The following CATSPERT variants were observed in gnomAD, a reference collection of about 807,000 sequenced individuals.
The protein encoded by CATSPERT is cation channel sperm-associated targeting subunit tau.
At chr2:201,518,654 T>C in the CATSPERT span, among the ~76,000 whole-genome samples, 5 of 152,180 alleles carry the variant, frequency 3.3e-5, no homozygotes, top group Non-Finnish European at 5.9e-5. Flanking sequence ...GTAGAATGGA[T>C]TCAGTAAGTC....
chr2:201,536,985 T>G, the CATSPERT span, among the ~76,000 whole-genome samples: 1 of 151,968 alleles, frequency 6.6e-6, no homozygotes, highest in African/African-American at 2.4e-5. Context: ...CTTTATGGAA[T>G]GAATACCTTA....
chr2:201,594,075 G>A, the CATSPERT span, among the ~76,000 whole-genome samples: 7 of 152,200 alleles, frequency 4.6e-5, no homozygotes, highest in Non-Finnish European at 7.4e-5. Flanking sequence ...TCCTAGCCTC[G>A]ATGGTCTTTA....
the CATSPERT span, among the ~76,000 whole-genome samples, chr2:201,533,558 G>A: frequency 6.6e-6 from 1 of 152,106 alleles, no homozygotes; most frequent in Non-Finnish European, 1.5e-5. Context: ...AGTCTGAAAG[G>A]AGCCATACCT....
At chr2:201,499,217 T>G in the CATSPERT span, among the ~76,000 whole-genome samples, 1 of 152,220 alleles carries the variant, frequency 6.6e-6, no homozygotes, top group East Asian at 1.9e-4. Flanking sequence ...AACTCCAGCA[T>G]AAATAGAAAT....
chr2:201,537,661 T>C, the CATSPERT span, among the ~76,000 whole-genome samples: 1 of 151,822 alleles, frequency 6.6e-6, no homozygotes, highest in South Asian at 2.1e-4. Flanking sequence ...TCTGGGAAGA[T>C]GGGGGAGTGG....
At chr2:201,548,160 C>G in the CATSPERT span, among the ~76,000 whole-genome samples, 1 of 152,036 alleles carries the variant, frequency 6.6e-6, no homozygotes, top group African/African-American at 2.4e-5. Context: ...ATCAACTCAT[C>G]ATTTACATTA....
chr2:201,568,332 A>G, the CATSPERT span, among the ~76,000 whole-genome samples: 1 of 152,196 alleles, frequency 6.6e-6, no homozygotes, highest in African/African-American at 2.4e-5. Context: ...GGCAATCAAG[A>G]TCCCTGGGAA....
the CATSPERT span, among the ~76,000 whole-genome samples, chr2:201,565,494 A>C: frequency 6.6e-6 from 1 of 152,064 alleles, no homozygotes; most frequent in African/African-American, 2.4e-5. Context: ...AAAAATAAAA[A>C]TAAAGGGAGT....
the CATSPERT span, among the ~76,000 whole-genome samples, chr2:201,512,295 C>A: frequency 1.3e-5 from 2 of 152,112 alleles, no homozygotes; most frequent in Non-Finnish European, 2.9e-5. Flanking sequence ...AGCTCATGTT[C>A]TCTTCCTTAT....
At chr2:201,551,013 A>G in the CATSPERT span, 1 of 152,210 alleles carries the variant, frequency 6.6e-6, no homozygotes, top group Non-Finnish European at 1.5e-5. Flanking sequence ...CTGTCCATTC[A>G]TGCATTTAAT....
the CATSPERT span, among the ~76,000 whole-genome samples, chr2:201,523,059 A>G: frequency 6.6e-6 from 1 of 152,276 alleles, no homozygotes; most frequent in African/African-American, 2.4e-5. Context: ...CCCTGCCAGC[A>G]TGCATCCACC....
chr2:201,567,378 G>A, the CATSPERT span, among the ~76,000 whole-genome samples: 2 of 152,148 alleles, frequency 1.3e-5, no homozygotes, highest in African/African-American at 2.4e-5. Flanking sequence ...AGAACCAATA[G>A]GATGTATATA....
At chr2:201,571,929 T>TAA in the CATSPERT span, 1 of 1,610,334 alleles carries the variant, frequency 6.2e-7, no homozygotes, top group Admixed American at 1.7e-5. Context: ...TAACGAGACT[T>TAA]AAAACACTTA....
chr2:201,499,838 A>C, the CATSPERT span, among the ~76,000 whole-genome samples: 1 of 147,732 alleles, frequency 6.8e-6, no homozygotes, highest in South Asian at 2.1e-4. Context: ...GTCTAAAAAA[A>C]ATTATATATA....
chr2:201,618,999 T>C, the CATSPERT span: 1 of 1,614,064 alleles, frequency 6.2e-7, no homozygotes, highest in Non-Finnish European at 8.5e-7. Flanking sequence ...CCTCCGACCC[T>C]TTAATGTGCA....
the CATSPERT span, among the ~76,000 whole-genome samples, chr2:201,563,377 C>T: frequency 3.0e-5 from 4 of 135,010 alleles, no homozygotes; most frequent in African/African-American, 5.7e-5. Flanking sequence ...CTTGACCCCC[C>T]CACCTCCCTC....
At chr2:201,584,301 T>G in the CATSPERT span, among the ~76,000 whole-genome samples, 1 of 151,280 alleles carries the variant, frequency 6.6e-6, no homozygotes, top group South Asian at 2.1e-4. Context: ...ATAAAACTAA[T>G]AGTAATAAAA....
the CATSPERT span, among the ~76,000 whole-genome samples, chr2:201,523,095 A>C: frequency 1.3e-5 from 2 of 152,132 alleles, no homozygotes; most frequent in Non-Finnish European, 2.9e-5. Flanking sequence ...CCACTTTGCC[A>C]GCACACGTGT....
At chr2:201,589,670 T>C in the CATSPERT span, among the ~76,000 whole-genome samples, 6 of 152,246 alleles carry the variant, frequency 3.9e-5, no homozygotes, top group Middle Eastern at 3.4e-3. Context: ...GAAGACAACC[T>C]AAGCAATACC....
Sources: allele counts gnomAD v4.1 joint callset (sites outside exome capture counted in the v4.1 genomes callset), GRCh38; gene constraint gnomAD v4.1.1; transcripts MANE v1.5; gene names NCBI Gene and HGNC (gene_info 2026-07-23, HGNC 2026-07-21).